Variants in SWAP70 observed in about 807,000 individuals in gnomAD.
SWAP70 encodes switch-associated protein 70.
Under a neutral mutation model 80.2 loss-of-function variants are expected in SWAP70, and 34 were observed. The observed-to-expected ratio is 0.42, with a 90% CI of 0.32 to 0.56. The LOEUF (loss-of-function observed/expected upper bound fraction) is 0.56. SWAP70 is among the 20% of genes least tolerant of loss of function. The probability of loss-of-function intolerance (pLI) is 0.09; values close to 1 mark genes in which losing one functional copy is unlikely to be tolerated. For synonymous variants in SWAP70, 239 were observed against 238.5 expected (o/e 1.00, Z -0.02); for missense variants, 578 against 690.7 (o/e 0.84, Z 1.83).
intron 2 of SWAP70, among the ~76,000 whole-genome samples, chr11:9,706,331 G>T (rs1473604829): frequency 6.7e-6 from 1 of 148,918 alleles, no homozygotes; most frequent in African/African-American, 2.5e-5. Context: ...CTGGTGATCT[G>T]TGTATACTTG....
chr11:9,729,882 C>T (rs1001670161), intron 6 of SWAP70, among the ~76,000 whole-genome samples: 9 of 152,166 alleles, frequency 5.9e-5, no homozygotes, highest in African/African-American at 2.2e-4. Flanking sequence ...GATACAGTAG[C>T]TGAGAGAAAA....
At chr11:9,675,342 GGAGCGAGAGAGAGAGAGAGAGAGA>G (rs1850478109) in intron 1 of SWAP70, among the ~76,000 whole-genome samples, 1 of 11,910 alleles carries the variant, frequency 8.4e-5, no homozygotes, top group African/African-American at 1.7e-4. Flanking sequence ...AGAGAGAGAG[GGAGCGAGAGAGAGAGAGAGAGAGA>G]GAGAGAGAGA....
intron 4 of SWAP70, among the ~76,000 whole-genome samples, chr11:9,725,530 A>AATATATATATATATAT (rs1211819180): frequency 8.3e-5 from 5 of 60,572 alleles, no homozygotes; most frequent in Admixed American, 2.7e-4. Context: ...AAAAATACAA[A>AATATATATATATATAT]ATATATATAT....
At chr11:9,670,528 T>G (rs979697162) in intron 1 of SWAP70, among the ~76,000 whole-genome samples, 1 of 151,798 alleles carries the variant, frequency 6.6e-6, no homozygotes, top group Non-Finnish European at 1.5e-5. Context: ...TTTGGGGTTG[T>G]CAGTAAGGAA....
intron 3 of SWAP70, among the ~76,000 whole-genome samples, chr11:9,717,191 G>A (rs1349951471): frequency 6.6e-6 from 1 of 152,104 alleles, no homozygotes; most frequent in Admixed American, 6.5e-5. Flanking sequence ...AAAAGGAAAT[G>A]AAAAATAAAA....
intron 10 of SWAP70, among the ~76,000 whole-genome samples, chr11:9,748,536 G>A (rs539751581): frequency 1.4e-4 from 21 of 152,304 alleles, no homozygotes; most frequent in African/African-American, 4.8e-4. Context: ...GGAGGCCACC[G>A]GCAAAAGCTG....
chr11:9,689,886 G>T (rs552852585), intron 1 of SWAP70, among the ~76,000 whole-genome samples: 1 of 152,172 alleles, frequency 6.6e-6, no homozygotes. Flanking sequence ...ATGGGGTGGG[G>T]CTGGGGTAGC....
At position 9,724,735 on chromosome 11, in the gene SWAP70, C is replaced by T; in HGVS notation, c.492C>T (p.Ile164=). 6.2e-7 allele frequency: 1 copy of T among 1,614,068 alleles called. No individual in the cohort carries two copies. The highest frequency in any genetic ancestry group is 8.5e-7 in the Non-Finnish European group (1 of 1,180,004). The change falls in exon 4 of 12, where the codon ATC becomes ATT. Residue 164 remains isoleucine, a synonymous_variant. Coordinates refer to ENST00000318950, the MANE Select transcript of SWAP70 (RefSeq NM_015055.4). ...AAGAACAATTTGAACATTATAAAAT[C>T]AACTTTGATGACAGTAAAAATGGCC... The part of the protein sequence containing the change: ...WQQEQFEHYK[I]NFDDSKNGLS...
At chr11:9,735,116 T>C (rs1484081399) in intron 7 of SWAP70, among the ~76,000 whole-genome samples, 1 of 152,168 alleles carries the variant, frequency 6.6e-6, no homozygotes, top group African/African-American at 2.4e-5. Context: ...TTTGGGTAGG[T>C]TCAAAAATAT....
rs200743817 is a variant in SWAP70 at position 9,738,259 on chromosome 11, G to A, written c.1127G>A (p.Arg376His). The change falls in exon 8 of 12, where the codon CGC becomes CAC. Residue 376 changes from arginine to histidine, a missense_variant. Coordinates refer to ENST00000318950, the MANE Select transcript of SWAP70 (RefSeq NM_015055.4). ...CGTGCAGCAGAAGAGGAAAAGAAAC[G>A]CCTTCAGACTCAAGTGGAACTTCAG... is the stretch of plus-strand genomic sequence containing the variant. ...ASRAAEEEKK[R>H]LQTQVELQAR... 4 of 1,611,480 alleles carry A rather than the reference G, an allele frequency of 2.5e-6. No homozygotes were observed. The highest frequency in any genetic ancestry group is 1.1e-5 in the South Asian group (1 of 90,624).
intron 3 of SWAP70, among the ~76,000 whole-genome samples, chr11:9,715,500 C>T (rs1851055041): frequency 6.6e-6 from 1 of 152,090 alleles, no homozygotes. Context: ...TGTATTAGTC[C>T]ATTTTCATGC....
At chr11:9,702,128 G>T (rs545157889) in intron 2 of SWAP70, among the ~76,000 whole-genome samples, 5 of 151,516 alleles carry the variant, frequency 3.3e-5, no homozygotes, top group African/African-American at 4.9e-5. Context: ...TGTTTTTCTA[G>T]TCTAATATTT....
chr11:9,664,326 T>C (rs1443288487), intron 1 of SWAP70, 48 bp downstream of exon 1: 23 of 1,516,026 alleles, frequency 1.5e-5, no homozygotes, highest in Admixed American at 2.0e-5. Flanking sequence ...CCCGGCGCGC[T>C]CTGTACTTCC....
chr11:9,734,157 G>A (rs565276903), intron 7 of SWAP70, among the ~76,000 whole-genome samples: 2 of 152,268 alleles, frequency 1.3e-5, no homozygotes, highest in South Asian at 4.1e-4. Context: ...AGCTCAAAAA[G>A]TTTTGGATTT....
Position 9,676,711 on chromosome 11 carries a change from G to A in SWAP70, c.99+12433G>A, listed in dbSNP as rs1347426371. Among the ~76,000 whole-genome samples the A allele has an allele frequency of 1.8e-4, 27 of 149,732 alleles. No homozygotes were observed. The Admixed American group carries it at 1.8e-3, about 10-fold the overall frequency. ...GTTGCCCAGGCTGGAGTGCAGTGGC[G>A]CAATCTCGGCTTACTGCAAGCTCCG... On this transcript the variant is annotated intron_variant, in intron 1 of 11. Transcript: ENST00000318950.
At chr11:9,747,787 C>A in intron 9 of SWAP70, 71 bp from the exon 10 acceptor site, 1 of 1,427,880 alleles carries the variant, frequency 7.0e-7, no homozygotes. Context: ...GTCTAAAATG[C>A]TTCCCTCGTC....
intron 4 of SWAP70, 42 bp downstream of exon 4, chr11:9,724,927 T>G: frequency 7.7e-7 from 1 of 1,293,186 alleles, no homozygotes; most frequent in Non-Finnish European, 1.1e-6. Context: ...TCTTTAGAAT[T>G]TGACATTTTA....
Position 9,664,078 on chromosome 11 carries a change from G to A in SWAP70, c.-102G>A. On this transcript the variant is annotated 5_prime_UTR_variant, in exon 1 of 12. Coordinates refer to ENST00000318950, the MANE Select transcript of SWAP70 (RefSeq NM_015055.4). ...GGCGGGGGCGGGGCCTGGCGGGTCA[G>A]GTGACTGCGCGGCGGGCTGTGGCTG... 8.5e-7 allele frequency: 1 copy of A among 1,172,846 alleles called. No individual in the cohort carries two copies. The highest frequency in any genetic ancestry group is 1.1e-6 in the Non-Finnish European group (1 of 873,248). The allele number at this position is 1,172,846 out of a possible 1,614,324, so 72.7% of individuals were successfully genotyped here.
chr11:9,713,298 T>G (rs1390573067), intron 2 of SWAP70, among the ~76,000 whole-genome samples, 168 bp from the exon 3 acceptor site: 1 of 152,216 alleles, frequency 6.6e-6, no homozygotes, highest in Non-Finnish European at 1.5e-5. Context: ...ACATCTTAAT[T>G]GAGCCACTGA....
Sources: allele counts gnomAD v4.1 joint callset (sites outside exome capture counted in the v4.1 genomes callset), GRCh38; gene constraint gnomAD v4.1.1; transcripts MANE v1.5; gene names NCBI Gene and HGNC (gene_info 2026-07-23, HGNC 2026-07-21).